Variants in NIPSNAP3B observed in about 807,000 individuals in gnomAD.
NIPSNAP3B encodes the protein protein NipSnap homolog 3B.
In NIPSNAP3B, 30 loss-of-function variants were observed where a neutral mutation model predicts 31.5. That is an observed-to-expected ratio of 0.95 (90% CI 0.71 to 1.29). The LOEUF (loss-of-function observed/expected upper bound fraction) is 1.29. NIPSNAP3B is among the 50% of genes most tolerant of loss of function. The pLI, the probability that NIPSNAP3B is intolerant of heterozygous loss-of-function variation, is 0.00. For synonymous variants in NIPSNAP3B, 106 were observed against 107.9 expected (o/e 0.98, Z 0.11); for missense variants, 269 against 300.7 (o/e 0.89, Z 0.78).
At chr9:104,784,283 T>C in the NIPSNAP3B span, 6 of 1,613,682 alleles carry the variant, frequency 3.7e-6, no homozygotes, top group African/African-American at 8.0e-5. Flanking sequence ...AGTTCCTCTT[T>C]ACTTTCAGCC....
chr9:104,788,286 G>A, the NIPSNAP3B span: 3 of 1,010,002 alleles, frequency 3.0e-6, no homozygotes, highest in South Asian at 3.8e-5. Context: ...CACCCTGAAA[G>A]CAGATACAAA....
the NIPSNAP3B span, chr9:104,784,455 C>A: frequency 1.2e-6 from 2 of 1,613,996 alleles, no homozygotes; most frequent in Non-Finnish European, 1.7e-6. Flanking sequence ...TTCACAAATA[C>A]CTGTTAAAAG....
chr9:104,770,933 A>G lies in NIPSNAP3B; in HGVS notation c.515A>G (p.His172Arg). 6.2e-7 allele frequency: 1 copy of G among 1,613,984 alleles called. No individual in the cohort carries two copies. The highest frequency in any genetic ancestry group is 8.5e-7 in the Non-Finnish European group (1 of 1,179,856). The change falls in exon 4 of 6, where the codon CAT (histidine) becomes CGT (arginine). Residue 172 changes from histidine to arginine, a missense_variant. Physicochemically the swap from His to Arg is conservative, Grantham distance 29. Coordinates refer to ENST00000374762, the MANE Select transcript of NIPSNAP3B (RefSeq NM_018376.4). ...GCATTTGAAAGAGCAATTAATGCCC[A>G]TGTCAATTTAGGCTACACAAAAGTA... ...GDAFERAINA[H>R]VNLGYTKVVG...
rs887521839 is a variant in NIPSNAP3B at position 104,775,221 on chromosome 9, C to G, written c.*2148C>G. Among the ~76,000 whole-genome samples the G allele has an allele frequency of 6.6e-6, 1 of 151,852 alleles. No individual in the cohort carries two copies. Among genetic ancestry groups the G allele is most frequent in the Non-Finnish European group, 1.5e-5 (1 of 67,978 alleles). ...AAAAAAAAAAAGAGTAAAATCACCCCATTTTTTTCCTTTACAATATGACTC... is the reference window on the plus strand; with the variant it reads ...AAAAAAAAAAAGAGTAAAATCACCCGATTTTTTTCCTTTACAATATGACTC... On this transcript the variant is annotated 3_prime_UTR_variant, in exon 6 of 6. Coordinates refer to ENST00000374762, the MANE Select transcript of NIPSNAP3B (RefSeq NM_018376.4).
intron 1 of NIPSNAP3B, 90 bp downstream of exon 1, chr9:104,764,390 G>C (rs1828046348): frequency 1.7e-6 from 2 of 1,197,130 alleles, no homozygotes; most frequent in Admixed American, 5.8e-5. Context: ...ACGCTCAGGC[G>C]CTCCCAGACC....
chr9:104,764,704 T>G (rs1037714410), intron 1 of NIPSNAP3B, among the ~76,000 whole-genome samples: 1 of 152,146 alleles, frequency 6.6e-6, no homozygotes, highest in African/African-American at 2.4e-5. Flanking sequence ...CACGCCCGGC[T>G]AATTTTTTTT....
the NIPSNAP3B span, among the ~76,000 whole-genome samples, chr9:104,788,941 C>T: frequency 6.6e-6 from 1 of 152,244 alleles, no homozygotes; most frequent in African/African-American, 2.4e-5. Flanking sequence ...GCACCATTCA[C>T]ATGCACCAAA....
intron 4 of NIPSNAP3B, 188 bp downstream of exon 4, chr9:104,771,186 C>G (rs1378511843): frequency 4.0e-6 from 2 of 500,364 alleles, no homozygotes; most frequent in Admixed American, 3.5e-5. Flanking sequence ...CTTTATGGAG[C>G]CTTTTTCAAA....
At chr9:104,780,745 G>T (rs1828486395), downstream of NIPSNAP3B, among the ~76,000 whole-genome samples, 1 of 152,198 alleles carries the variant, frequency 6.6e-6, no homozygotes, top group Admixed American at 6.5e-5. Flanking sequence ...TCTCAGTGCA[G>T]CTTCATAATC....
At chr9:104,784,493 T>G in the NIPSNAP3B span, 1 of 1,612,956 alleles carries the variant, frequency 6.2e-7, no homozygotes, top group African/African-American at 1.3e-5. Flanking sequence ...TAAATACCAC[T>G]CAACTTGCTC....
At chr9:104,785,289 T>C in the NIPSNAP3B span, 7 of 1,452,496 alleles carry the variant, frequency 4.8e-6, no homozygotes, top group East Asian at 1.6e-4. Context: ...GATCAGGAAT[T>C]CAAGCACCAA....
chr9:104,789,949 A>T, the NIPSNAP3B span, among the ~76,000 whole-genome samples: 1 of 152,150 alleles, frequency 6.6e-6, no homozygotes, highest in Non-Finnish European at 1.5e-5. Context: ...CAAAAAAATT[A>T]GGCAGGCATT....
At chr9:104,787,865 G>A in the NIPSNAP3B span, 15 of 1,613,830 alleles carry the variant, frequency 9.3e-6, no homozygotes, top group Non-Finnish European at 1.3e-5. Context: ...CTTTTGAACA[G>A]TCATGTTTTC....
chr9:104,764,375 G>T, intron 1 of NIPSNAP3B, 75 bp downstream of exon 1: 12 of 1,302,244 alleles, frequency 9.2e-6, no homozygotes, highest in Admixed American at 2.6e-5. Context: ...TGAAGCGTGC[G>T]AGCCACGCTC....
chr9:104,766,567 T>G, intron 2 of NIPSNAP3B, 32 bp downstream of exon 2: 1 of 1,575,122 alleles, frequency 6.3e-7, no homozygotes, highest in Non-Finnish European at 8.7e-7. Context: ...GTATTCAGTA[T>G]AGATTTTCAT....
At chr9:104,781,662 G>C (rs535377345), downstream of NIPSNAP3B, 23 of 152,690 alleles carry the variant, frequency 1.5e-4, no homozygotes, top group South Asian at 8.3e-4. Context: ...ACAATGAATT[G>C]TGCTGGGCAT....
rs1828356423 is a variant in NIPSNAP3B at position 104,777,250 on chromosome 9, A to AGC, written c.*4177_*4178insGC. 1 of 152,232 alleles carries AGC rather than the reference A, an allele frequency of 6.6e-6. No homozygotes were observed. The highest frequency in any genetic ancestry group is 1.5e-5 in the Non-Finnish European group (1 of 68,054). 9.4% of individuals were successfully genotyped at this position (152,232 alleles called of 1,614,324 possible). ...GACTTCATTCTCAGCACCATCTCTT[A>AGC]ACCTACTGAGTAAATCCTATGAACC... On this transcript the variant is annotated 3_prime_UTR_variant, in exon 6 of 6. Coordinates refer to ENST00000374762, the MANE Select transcript of NIPSNAP3B (RefSeq NM_018376.4).
chr9:104,772,350 T>A (rs919870666), intron 4 of NIPSNAP3B, among the ~76,000 whole-genome samples: 5 of 152,062 alleles, frequency 3.3e-5, no homozygotes, highest in Admixed American at 6.6e-5. Context: ...TGTTGCAGCA[T>A]TTTAAAAAAT....
At chr9:104,765,854 A>C (rs1393180007) in intron 1 of NIPSNAP3B, among the ~76,000 whole-genome samples, 3 of 152,184 alleles carry the variant, frequency 2.0e-5, no homozygotes, top group African/African-American at 7.2e-5. Flanking sequence ...GGAACCTTTT[A>C]AAAACAAGAG....
Sources: gnomAD v4.1 joint callset for allele counts (sites outside exome capture counted in the v4.1 genomes callset) on GRCh38, gnomAD v4.1.1 for gene constraint, MANE v1.5 for transcripts, NCBI Gene and HGNC (gene_info 2026-07-23, HGNC 2026-07-21) for gene names.